The following AKAP6 variants were observed in gnomAD, a reference collection of about 807,000 sequenced individuals.
AKAP6 encodes A-kinase anchoring protein 6.
AKAP6 carries 58 observed loss-of-function variants against 188.5 expected under a neutral mutation model. The observed-to-expected ratio is 0.31, with a 90% CI of 0.25 to 0.38. AKAP6 has a LOEUF of 0.38. AKAP6 is among the 10% of genes least tolerant of loss of function. The pLI is 1.00. For synonymous variants in AKAP6, 989 were observed against 998.6 expected (o/e 0.99, Z 0.18); for missense variants, 2,710 against 2,740.0 (o/e 0.99, Z 0.24).
intron 4 of AKAP6, among the ~76,000 whole-genome samples, chr14:32,549,702 G>A (rs776364832): frequency 2.6e-5 from 4 of 152,218 alleles, no homozygotes; most frequent in Non-Finnish European, 4.4e-5. Flanking sequence ...CCCTACTTAA[G>A]TCCCGGAAGG....
chr14:32,472,698 G>A (rs1664481395), intron 2 of AKAP6, among the ~76,000 whole-genome samples: 1 of 152,138 alleles, frequency 6.6e-6, no homozygotes, highest in East Asian at 1.9e-4. Flanking sequence ...GCTGCCAACT[G>A]TTGGGCTCAT....
At chr14:32,652,062 T>G (rs1219939384) in intron 7 of AKAP6, among the ~76,000 whole-genome samples, 8 of 152,110 alleles carry the variant, frequency 5.3e-5, no homozygotes. Flanking sequence ...ATCTACATCT[T>G]CGGTTTAGTG....
At chr14:32,390,848 C>G (rs1888690440) in intron 1 of AKAP6, among the ~76,000 whole-genome samples, 2 of 152,114 alleles carry the variant, frequency 1.3e-5, no homozygotes, top group Admixed American at 1.3e-4. Flanking sequence ...AGCAAAAATT[C>G]ACGACGCAAG....
intron 5 of AKAP6, among the ~76,000 whole-genome samples, chr14:32,580,228 T>C (rs1884902030): frequency 1.3e-5 from 2 of 152,104 alleles, no homozygotes; most frequent in African/African-American, 4.8e-5. Context: ...GAAATTGCAA[T>C]GATACATCAA....
chr14:32,534,611 C>T (rs2139111874), intron 2 of AKAP6, among the ~76,000 whole-genome samples: 1 of 152,140 alleles, frequency 6.6e-6, no homozygotes. Context: ...TGGAATTTTT[C>T]TGGCTTTGTT....
intron 9 of AKAP6, among the ~76,000 whole-genome samples, chr14:32,711,661 A>G (rs575471917): frequency 2.0e-5 from 3 of 152,138 alleles, no homozygotes; most frequent in African/African-American, 4.8e-5. Flanking sequence ...CTATATGTTA[A>G]TTTCCCTTGA....
chr14:32,575,483 G>T (rs1040626377), intron 4 of AKAP6, among the ~76,000 whole-genome samples: 3 of 152,108 alleles, frequency 2.0e-5, no homozygotes, highest in African/African-American at 7.2e-5. Flanking sequence ...TCAGTTTAGG[G>T]TTGGAGTCTA....
intron 11 of AKAP6, among the ~76,000 whole-genome samples, chr14:32,745,932 C>G (rs1277307184): frequency 6.6e-6 from 1 of 152,026 alleles, no homozygotes; most frequent in East Asian, 1.9e-4. Flanking sequence ...ACCAGGGGAG[C>G]CTCACCCTAT....
intron 3 of AKAP6, among the ~76,000 whole-genome samples, chr14:32,537,931 A>G (rs1186446499): frequency 2.0e-5 from 3 of 152,238 alleles, no homozygotes; most frequent in Non-Finnish European, 2.9e-5. Context: ...CTATTCTCAC[A>G]ACACGAACTC....
At chr14:32,370,514 C>G (rs986319797) in intron 1 of AKAP6, among the ~76,000 whole-genome samples, 3 of 152,206 alleles carry the variant, frequency 2.0e-5, no homozygotes, top group Non-Finnish European at 4.4e-5. Context: ...TGATATGTGA[C>G]CATTAGCAGA....
chr14:32,675,590 G>T (rs1889391298), intron 7 of AKAP6, among the ~76,000 whole-genome samples: 1 of 152,160 alleles, frequency 6.6e-6, no homozygotes, highest in Non-Finnish European at 1.5e-5. Flanking sequence ...ACCTTAGTAG[G>T]AGGAACTACT....
At chr14:32,629,300 A>G (rs1236604757) in intron 7 of AKAP6, among the ~76,000 whole-genome samples, 1 of 151,904 alleles carries the variant, frequency 6.6e-6, no homozygotes, top group East Asian at 1.9e-4. Context: ...AAGCTATTTT[A>G]CATTTTTGGT....
At chr14:32,558,680 C>T (rs2139199253) in intron 4 of AKAP6, among the ~76,000 whole-genome samples, 1 of 152,290 alleles carries the variant, frequency 6.6e-6, no homozygotes, top group East Asian at 1.9e-4. Context: ...ATAGAAGTCT[C>T]TTTCTCTTTT....
chr14:32,585,307 G>A (rs1043755660), intron 5 of AKAP6, among the ~76,000 whole-genome samples: 1 of 152,210 alleles, frequency 6.6e-6, no homozygotes, highest in African/African-American at 2.4e-5. Context: ...TGTGCAAGAT[G>A]TAGGAAAAAC....
chr14:32,816,696 C>G (rs2034387233), intron 12 of AKAP6, among the ~76,000 whole-genome samples: 1 of 152,188 alleles, frequency 6.6e-6, no homozygotes, highest in South Asian at 2.1e-4. Context: ...ACCTCTCCAT[C>G]ACCCCCTCAA....
At chr14:32,492,675 C>A (rs1279466834) in intron 2 of AKAP6, among the ~76,000 whole-genome samples, 1 of 151,968 alleles carries the variant, frequency 6.6e-6, no homozygotes, top group East Asian at 1.9e-4. Context: ...ATATAACTGA[C>A]CACAGAACTG....
chr14:32,431,332 AG>A (rs1890217355), intron 1 of AKAP6, among the ~76,000 whole-genome samples: 1 of 152,170 alleles, frequency 6.6e-6, no homozygotes, highest in South Asian at 2.1e-4. Flanking sequence ...TTCATGGGAA[AG>A]AAAAAAAGTG....
At chr14:32,574,302 A>G (rs1408236402) in intron 4 of AKAP6, among the ~76,000 whole-genome samples, 2 of 152,200 alleles carry the variant, frequency 1.3e-5, no homozygotes, top group African/African-American at 4.8e-5. Flanking sequence ...AGAATCCTTG[A>G]GAGGACTCCT....
intron 5 of AKAP6, among the ~76,000 whole-genome samples, chr14:32,585,776 A>G (rs1018735868): frequency 3.9e-5 from 6 of 152,162 alleles, no homozygotes; most frequent in African/African-American, 1.4e-4. Context: ...GTAATTTGAT[A>G]TAGACCTCAA....
Sources: allele counts gnomAD v4.1 joint callset (sites outside exome capture counted in the v4.1 genomes callset), GRCh38; gene constraint gnomAD v4.1.1; transcripts MANE v1.5; gene names NCBI Gene and HGNC (gene_info 2026-07-23, HGNC 2026-07-21).